UGGT2: variants seen among roughly 807,000 people sequenced by gnomAD.
UGGT2 encodes the protein UDP-glucose:glycoprotein glucosyltransferase 2.
UGGT2 carries 180 observed loss-of-function variants against 192.1 expected under a neutral mutation model. The ratio of observed to expected loss-of-function variants is 0.94; its 90% CI spans 0.83 to 1.06. The LOEUF is 1.06. Among genes scored for constraint, UGGT2 ranks in the 50% least tolerant of loss-of-function variants. The pLI is 0.00. For synonymous variants in UGGT2, 580 were observed against 591.0 expected (o/e 0.98, Z 0.27); for missense variants, 1,849 against 1,795.7 (o/e 1.03, Z -0.54).
chr13:95,865,896 T>C (rs1287211844), intron 30 of UGGT2, among the ~76,000 whole-genome samples: 1 of 152,232 alleles, frequency 6.6e-6, no homozygotes, highest in Non-Finnish European at 1.5e-5. Flanking sequence ...GTAAGGTATA[T>C]TCTATTGTTA....
At position 95,993,543 on chromosome 13, in the gene UGGT2, T is replaced by C. The variant is rs140265476; in HGVS notation, c.830+2520A>G. ...GATGTTGAGATAGCTGAAAATGGGA[T>C]AAAAATGTATTGTTAGCTGCTAAAT... is the stretch of plus-strand genomic sequence containing the variant. On this transcript the variant is annotated intron_variant, in intron 7 of 38. Coordinates refer to ENST00000376747, the MANE Select transcript of UGGT2 (RefSeq NM_020121.4). Among the ~76,000 whole-genome samples the C allele has an allele frequency of 5.2e-3, 796 of 152,298 alleles. 11 individuals carry two copies. The highest frequency in any genetic ancestry group is 0.018 in the African/African-American group (762 of 41,568).
intron 20 of UGGT2, among the ~76,000 whole-genome samples, chr13:95,918,417 T>C (rs2140386240): frequency 6.6e-6 from 1 of 152,074 alleles, no homozygotes; most frequent in Non-Finnish European, 1.5e-5. Flanking sequence ...AATGCCCACA[T>C]CAAAACGCTA....
intron 36 of UGGT2, among the ~76,000 whole-genome samples, chr13:95,837,636 T>C (rs576805309): frequency 3.3e-5 from 5 of 152,356 alleles, no homozygotes; most frequent in Admixed American, 6.5e-5. Context: ...TTCCCATTTC[T>C]GCATGCTCAG....
intron 30 of UGGT2, among the ~76,000 whole-genome samples, chr13:95,864,398 T>A (rs1258328487): frequency 6.6e-6 from 1 of 152,200 alleles, no homozygotes; most frequent in South Asian, 2.1e-4. Context: ...TATGACAATG[T>A]AAAGATTAAC....
chr13:95,832,796 A>T, intron 38 of UGGT2, 131 bp downstream of exon 38: 1 of 1,385,340 alleles, frequency 7.2e-7, no homozygotes, highest in Non-Finnish European at 1.0e-6. Context: ...TACACCTTTA[A>T]ATTATGCCAC....
chr13:95,967,454 C>G (rs1304843394), intron 12 of UGGT2, among the ~76,000 whole-genome samples: 2 of 147,878 alleles, frequency 1.4e-5, no homozygotes, highest in Admixed American at 6.9e-5. Context: ...GCCCAGCCCC[C>G]ACGCGCACCC....
At chr13:95,948,236 CACACACACACACACACAT>C (rs1011566457) in intron 13 of UGGT2, among the ~76,000 whole-genome samples, 155 bp from the exon 14 acceptor site, 7 of 151,668 alleles carry the variant, frequency 4.6e-5, no homozygotes, top group Non-Finnish European at 7.4e-5. Flanking sequence ...CACACACACA[CACACACACACACACACAT>C]ATAAAGGATT....
At position 95,987,218 on chromosome 13, in the gene UGGT2, T is replaced by C. The variant is rs17268658; in HGVS notation, c.932-786A>G. Among the ~76,000 whole-genome samples the C allele has an allele frequency of 1.4e-3, 219 of 152,232 alleles. 2 individuals carry two copies. Among genetic ancestry groups the C allele is most frequent in the South Asian group, 4.8e-3 (23 of 4,828 alleles). On this transcript the variant is annotated intron_variant, in intron 8 of 38. Transcript: ENST00000376747. ...CCCATATTCAGCCCCAAAGTCTGCT[T>C]ACATGTTTTATATATTCTCTCTACT...
At chr13:95,834,876 G>T (rs1457751708) in intron 37 of UGGT2, among the ~76,000 whole-genome samples, 3 of 151,856 alleles carry the variant, frequency 2.0e-5, no homozygotes. Context: ...CTCCAGATTG[G>T]TACTATCCAA....
At chr13:95,861,396 G>A (rs1407688720) in intron 31 of UGGT2, among the ~76,000 whole-genome samples, 1 of 152,100 alleles carries the variant, frequency 6.6e-6, no homozygotes, top group African/African-American at 2.4e-5. Context: ...CCACCACGCA[G>A]GGTATGGAGT....
Position 95,927,344 on chromosome 13 carries a change from A to T in UGGT2, c.1978-8T>A, listed in dbSNP as rs1244767615. On this transcript the variant is annotated splice_polypyrimidine_tract_variant and splice_region_variant and intron_variant, in intron 17 of 38. Transcript: ENST00000376747. ...GCGATCATTTAATGTGCCCTAAAAA[A>T]ACAAAAATGTTATTTAGATAATACA... 2 of 1,592,732 alleles carry T rather than the reference A, an allele frequency of 1.3e-6. No individual in the cohort carries two copies. The highest frequency in any genetic ancestry group is 1.7e-6 in the Non-Finnish European group (2 of 1,173,100).
chr13:96,001,582 C>A (rs1037366631), intron 5 of UGGT2, among the ~76,000 whole-genome samples: 1 of 152,190 alleles, frequency 6.6e-6, no homozygotes, highest in Non-Finnish European at 1.5e-5. Flanking sequence ...CAGATTCTCA[C>A]AACAGATGGG....
chr13:95,947,685 G>A (rs913753321), intron 14 of UGGT2, among the ~76,000 whole-genome samples: 18 of 93,242 alleles, frequency 1.9e-4, no homozygotes, highest in Admixed American at 8.1e-4. Context: ...CCCTGACCTC[G>A]TGATCTGCCT....
chr13:95,856,142 T>C lies in UGGT2; in HGVS notation c.4008+16A>G. The C allele has an allele frequency of 3.8e-6, 6 of 1,587,780 alleles. No individual in the cohort carries two copies. The highest frequency in any genetic ancestry group is 1.1e-5 in the South Asian group (1 of 87,328). On this transcript the variant is annotated intron_variant, in intron 34 of 38. Transcript: ENST00000376747. ...AATGTTTGCGTATTACTAAAAATAG[T>C]AGTTAACCTTATTACCTGGTCAGCA...
At chr13:95,947,212 C>A (rs754336355) in intron 14 of UGGT2, 40 bp from the exon 15 acceptor site, 2 of 1,526,964 alleles carry the variant, frequency 1.3e-6, no homozygotes, top group South Asian at 1.3e-5. Context: ...ATAATTACCT[C>A]TTGAATCACA....
chr13:95,831,384 G>C (rs975797999), intron 38 of UGGT2, among the ~76,000 whole-genome samples: 1 of 151,886 alleles, frequency 6.6e-6, no homozygotes, highest in African/African-American at 2.4e-5. Context: ...ATGGAAACGA[G>C]ATCAATTATA....
intron 32 of UGGT2, 107 bp downstream of exon 32, chr13:95,860,681 G>A: frequency 1.7e-6 from 1 of 573,816 alleles, no homozygotes. Context: ...CAAGGAAACA[G>A]AGGTGGGAGT....
chr13:95,985,935 A>G (rs1197596505), intron 9 of UGGT2, among the ~76,000 whole-genome samples: 1 of 152,162 alleles, frequency 6.6e-6, no homozygotes, highest in East Asian at 1.9e-4. Flanking sequence ...AAGGGTAAGA[A>G]TATGATTTGG....
intron 17 of UGGT2, among the ~76,000 whole-genome samples, chr13:95,932,606 T>C (rs918273110): frequency 2.6e-5 from 4 of 152,070 alleles, no homozygotes; most frequent in African/African-American, 9.7e-5. Flanking sequence ...GCCTGATTGC[T>C]CTAAGACTTC....
Sources: gnomAD v4.1 joint callset for allele counts (sites outside exome capture counted in the v4.1 genomes callset) on GRCh38, gnomAD v4.1.1 for gene constraint, MANE v1.5 for transcripts, NCBI Gene and HGNC (gene_info 2026-07-23, HGNC 2026-07-21) for gene names.